CACNA2D3: variants seen among roughly 807,000 people sequenced by gnomAD.
CACNA2D3 encodes the protein calcium voltage-gated channel auxiliary subunit alpha2delta 3, also known as voltage-dependent calcium channel subunit alpha-2/delta-3.
CACNA2D3 carries 60 observed loss-of-function variants against 160.6 expected under a neutral mutation model. The observed-to-expected ratio is 0.37, with a 90% CI of 0.30 to 0.46. The LOEUF is 0.46. Ranked by LOEUF, CACNA2D3 falls within the 20% of genes least tolerant of loss-of-function variation. CACNA2D3 has a pLI of 1.00. For missense variants in CACNA2D3, 1,205 were observed against 1,365.0 expected (o/e 0.88, Z 1.85); for synonymous variants, 558 against 492.9 (o/e 1.13, Z -1.75).
intron 11 of CACNA2D3, among the ~76,000 whole-genome samples, chr3:54,742,567 C>T (rs908277793): frequency 1.3e-5 from 2 of 152,208 alleles, no homozygotes; most frequent in African/African-American, 4.8e-5. Context: ...CTTGTCCACC[C>T]ACTCAGCTCT....
chr3:54,660,675 C>T (rs1323483832), intron 11 of CACNA2D3, among the ~76,000 whole-genome samples: 1 of 152,116 alleles, frequency 6.6e-6, no homozygotes, highest in Non-Finnish European at 1.5e-5. Context: ...TTAATCATTT[C>T]CATAAAAATA....
intron 4 of CACNA2D3, among the ~76,000 whole-genome samples, chr3:54,414,551 T>C (rs542432287): frequency 3.3e-5 from 5 of 152,276 alleles, no homozygotes; most frequent in African/African-American, 1.2e-4. Flanking sequence ...TGACCCTCTT[T>C]TTTTCTTTGC....
chr3:54,837,301 C>A, intron 15 of CACNA2D3, 71 bp downstream of exon 15: 2 of 1,205,788 alleles, frequency 1.7e-6, no homozygotes, highest in African/African-American at 1.5e-5. Context: ...CTGACTCCAG[C>A]TCTGGTGACT....
intron 1 of CACNA2D3, among the ~76,000 whole-genome samples, 198 bp downstream of exon 1, chr3:54,123,033 C>G (rs536759973): frequency 2.0e-5 from 3 of 152,166 alleles, no homozygotes; most frequent in African/African-American, 7.2e-5. Flanking sequence ...CGCAGGTTGC[C>G]GAGTGAGATC....
At chr3:54,971,062 G>A (rs1320209060) in intron 29 of CACNA2D3, among the ~76,000 whole-genome samples, 1 of 152,016 alleles carries the variant, frequency 6.6e-6, no homozygotes, top group East Asian at 1.9e-4. Context: ...CGGTCCCAGA[G>A]GATCTGGCTG....
At chr3:54,376,262 C>T (rs1036333169) in intron 3 of CACNA2D3, among the ~76,000 whole-genome samples, 19 of 152,202 alleles carry the variant, frequency 1.2e-4, no homozygotes, top group African/African-American at 4.3e-4. Flanking sequence ...CACCCTGGAG[C>T]CTTTGCTGCT....
intron 27 of CACNA2D3, among the ~76,000 whole-genome samples, chr3:54,913,463 C>T (rs1041405243): frequency 6.6e-6 from 1 of 152,146 alleles, no homozygotes; most frequent in Non-Finnish European, 1.5e-5. Flanking sequence ...CTAAATTTCC[C>T]ATTTTTCTCA....
At chr3:54,710,065 T>G (rs1158710375) in intron 11 of CACNA2D3, among the ~76,000 whole-genome samples, 1 of 152,200 alleles carries the variant, frequency 6.6e-6, no homozygotes, top group East Asian at 1.9e-4. Flanking sequence ...ACTCATTCAT[T>G]TGCTAAATAT....
intron 4 of CACNA2D3, among the ~76,000 whole-genome samples, chr3:54,457,046 A>AT (rs1700411370): frequency 6.7e-6 from 1 of 149,892 alleles, no homozygotes. Flanking sequence ...CCAACTTTTC[A>AT]TTTTGTTGAT....
intron 2 of CACNA2D3, among the ~76,000 whole-genome samples, chr3:54,199,244 GC>G (rs1178773791): frequency 6.6e-5 from 10 of 152,202 alleles, no homozygotes; most frequent in South Asian, 2.1e-4. Context: ...TATCCCCACT[GC>G]CCTCCTACCC....
chr3:54,716,014 T>C (rs1559557009), intron 11 of CACNA2D3, among the ~76,000 whole-genome samples: 1 of 151,992 alleles, frequency 6.6e-6, no homozygotes, highest in Non-Finnish European at 1.5e-5. Flanking sequence ...ATTAATTTGA[T>C]TGTAATAATC....
At chr3:54,195,859 T>A (rs1701069478) in intron 2 of CACNA2D3, among the ~76,000 whole-genome samples, 1 of 152,244 alleles carries the variant, frequency 6.6e-6, no homozygotes, top group Non-Finnish European at 1.5e-5. Flanking sequence ...GAGATCCTGC[T>A]GGACATTTAT....
chr3:54,552,793 G>A lies in CACNA2D3; in HGVS notation c.545-10007G>A, dbSNP rs1702181190. Among the ~76,000 whole-genome samples the A allele has an allele frequency of 4.6e-5, 7 of 152,310 alleles. No homozygotes were observed. The South Asian group carries it at 1.5e-3, about 32-fold the overall frequency. On this transcript the variant is annotated intron_variant, in intron 5 of 37. Transcript: ENST00000474759. ...TGGTTTATTCCAGGAGAATGAGGAA[G>A]AGGAAATGCAAGTCTCTCCACAAAA...
At chr3:54,575,830 C>G (rs1702571555) in intron 8 of CACNA2D3, among the ~76,000 whole-genome samples, 1 of 152,122 alleles carries the variant, frequency 6.6e-6, no homozygotes, top group South Asian at 2.1e-4. Context: ...AGGAAGGAGT[C>G]AACAACTGAG....
chr3:54,613,882 C>A lies in CACNA2D3; in HGVS notation c.964-13905C>A, dbSNP rs950302654. ...CATGCTCTAGCAGCCCTGCCTTTACCTCCAGGCCCTCCTTTAGTGCCTCTG... is the reference window on the plus strand; with the variant it reads ...CATGCTCTAGCAGCCCTGCCTTTACATCCAGGCCCTCCTTTAGTGCCTCTG... On this transcript the variant is annotated intron_variant, in intron 9 of 37. Coordinates refer to ENST00000474759, the MANE Select transcript of CACNA2D3 (RefSeq NM_018398.3). Among the ~76,000 whole-genome samples, 34 of 152,276 alleles carry A rather than the reference C, an allele frequency of 2.2e-4. 1 individual carries two copies. The highest frequency in any genetic ancestry group is 3.4e-3 in the Middle Eastern group (1 of 294).
At chr3:54,869,173 T>C (rs1166341546) in intron 17 of CACNA2D3, among the ~76,000 whole-genome samples, 2 of 152,186 alleles carry the variant, frequency 1.3e-5, no homozygotes, top group African/African-American at 4.8e-5. Context: ...TAGTCTTTTT[T>C]CAAAGCTCTT....
chr3:54,331,584 T>A (rs909244161), intron 3 of CACNA2D3, among the ~76,000 whole-genome samples: 1 of 152,246 alleles, frequency 6.6e-6, no homozygotes, highest in South Asian at 2.1e-4. Flanking sequence ...ATGCTATGCT[T>A]TGCATATATT....
intron 28 of CACNA2D3, among the ~76,000 whole-genome samples, chr3:54,969,265 T>TTTTTTTTTTTTTTTTTTTTTTTTTA (rs1702220577): frequency 6.7e-6 from 1 of 149,268 alleles, no homozygotes; most frequent in African/African-American, 2.5e-5. Flanking sequence ...AAGTAGACTT[T>TTTTTTTTTTTTTTTTTTTTTTTTTA]TTTTTTTTTT....
chr3:54,521,533 A>C (rs1322796122), intron 5 of CACNA2D3, among the ~76,000 whole-genome samples: 3 of 152,198 alleles, frequency 2.0e-5, no homozygotes, highest in African/African-American at 7.2e-5. Context: ...TTGAAGAACA[A>C]AAGGTTTTAA....
Sources: gnomAD v4.1 joint callset for allele counts (sites outside exome capture counted in the v4.1 genomes callset) on GRCh38, gnomAD v4.1.1 for gene constraint, MANE v1.5 for transcripts, NCBI Gene and HGNC (gene_info 2026-07-23, HGNC 2026-07-21) for gene names.